CAPN14: variants seen among roughly 807,000 people sequenced by gnomAD.
The protein encoded by CAPN14 is calpain-14.
In CAPN14, 94 loss-of-function variants were observed where a neutral mutation model predicts 101.3. That is an observed-to-expected ratio of 0.93 (90% CI 0.79 to 1.10). The LOEUF is 1.10. CAPN14 is among the 50% of genes least tolerant of loss of function. CAPN14 has a pLI of 0.00. For missense variants in CAPN14, 837 were observed against 828.4 expected (o/e 1.01, Z -0.13); for synonymous variants, 338 against 317.9 (o/e 1.06, Z -0.67).
chr2:31,174,599 TG>T lies in CAPN14; in HGVS notation c.*81del. ...CTGTCCTGAAGATCAGTAAGTAGGG[TG>T]GGCATGGGTTGGTCTCAGCCAAAGG... is the stretch of plus-strand genomic sequence containing the variant. On this transcript the variant is annotated 3_prime_UTR_variant, in exon 22 of 22. Coordinates refer to ENST00000403897, the MANE Select transcript of CAPN14 (RefSeq NM_001145122.2). The T allele has an allele frequency of 7.1e-7, 1 of 1,408,108 alleles. No individual in the cohort carries two copies. Among genetic ancestry groups the T allele is most frequent in the Non-Finnish European group, 9.8e-7 (1 of 1,018,482 alleles). 87.2% of individuals were successfully genotyped at this position (1,408,108 alleles called of 1,614,324 possible).
At chr2:31,182,183 C>T (rs1276802816) in intron 16 of CAPN14, among the ~76,000 whole-genome samples, 2 of 151,586 alleles carry the variant, frequency 1.3e-5, no homozygotes, top group Non-Finnish European at 2.9e-5. Flanking sequence ...TGGGACGTAT[C>T]TCAAAATAAT....
intron 18 of CAPN14, 68 bp downstream of exon 18, chr2:31,178,443 C>G (rs1174961964): frequency 5.7e-6 from 7 of 1,231,608 alleles, no homozygotes; most frequent in Non-Finnish European, 8.2e-6. Flanking sequence ...GAAGTATCTT[C>G]TACAGCTTTG....
At chr2:31,189,244 AC>A in intron 13 of CAPN14, 28 bp downstream of exon 13, 2 of 1,544,614 alleles carry the variant, frequency 1.3e-6, no homozygotes, top group Non-Finnish European at 1.8e-6. Flanking sequence ...AGTGGTCCCC[AC>A]CCTCTAGGAG....
chr2:31,178,781 G>A (rs1235519670), intron 17 of CAPN14, among the ~76,000 whole-genome samples: 1 of 152,028 alleles, frequency 6.6e-6, no homozygotes, highest in Admixed American at 6.5e-5. Context: ...AAAACAGAAT[G>A]AGCCCAGAGC....
intron 1 of CAPN14, 102 bp downstream of exon 1, chr2:31,217,354 A>G (rs1682698957): frequency 6.6e-6 from 1 of 152,202 alleles, no homozygotes; most frequent in African/African-American, 2.4e-5. Context: ...TCAAACCAGG[A>G]GAAGCAAATA....
upstream of CAPN14, among the ~76,000 whole-genome samples, chr2:31,220,831 C>T (rs1682841052): frequency 6.6e-6 from 1 of 152,084 alleles, no homozygotes; most frequent in African/African-American, 2.4e-5. Context: ...TTTTTTCCAC[C>T]TGATTTTTGT....
chr2:31,197,856 C>A (rs932124114), intron 7 of CAPN14, among the ~76,000 whole-genome samples: 2 of 152,130 alleles, frequency 1.3e-5, no homozygotes, highest in African/African-American at 4.8e-5. Flanking sequence ...GTGGAGGAGG[C>A]AAGAAGGGAT....
intron 1 of CAPN14, chr2:31,233,670 T>A (rs1305563477): frequency 4.6e-5 from 7 of 152,156 alleles, no homozygotes; most frequent in African/African-American, 1.7e-4. Flanking sequence ...GGAACGATTT[T>A]GACTTCACCC....
intron 17 of CAPN14, among the ~76,000 whole-genome samples, chr2:31,178,829 T>C (rs896889073): frequency 6.6e-6 from 1 of 152,078 alleles, no homozygotes; most frequent in Non-Finnish European, 1.5e-5. Context: ...ATGGAGGTGA[T>C]GATGGTGATG....
At chr2:31,229,157 G>A (rs602116) in intron 1 of CAPN14, among the ~76,000 whole-genome samples, 26,738 of 152,156 alleles carry the variant, frequency 0.18, 2,529 homozygotes, top group Non-Finnish European at 0.21. Flanking sequence ...ACAACACACA[G>A]TAGATTCAGG....
intron 13 of CAPN14, 67 bp from the exon 14 acceptor site, chr2:31,188,421 T>C (rs77569859): frequency 0.046 from 64,664 of 1,419,224 alleles, 1,648 homozygotes; most frequent in Middle Eastern, 0.081. Flanking sequence ...AATCTTCCCC[T>C]TCTCCTGGGA....
At chr2:31,176,904 C>T (rs1332962186) in intron 20 of CAPN14, 122 bp downstream of exon 20, 3 of 765,534 alleles carry the variant, frequency 3.9e-6, no homozygotes, top group Non-Finnish European at 4.4e-6. Context: ...GTCCCCACAG[C>T]TTCCCTGGTC....
chr2:31,219,670 G>A (rs565047658), upstream of CAPN14, among the ~76,000 whole-genome samples: 7 of 152,160 alleles, frequency 4.6e-5, no homozygotes, highest in African/African-American at 9.7e-5. Flanking sequence ...TGCATTCCTC[G>A]GCTGGTGGCA....
rs564211297 is a variant in CAPN14, at chr2:31,231,066, T to C, written c.-177+2725A>G. Among the ~76,000 whole-genome samples, 15 of 152,330 alleles carry C rather than the reference T, an allele frequency of 9.8e-5. No individual in the cohort carries two copies. In the South Asian group the frequency reaches 3.1e-3, roughly 32 times the overall value. The stretch of plus-strand genomic sequence containing the variant: ...AGGGCAAGTCCTCTTCGCTTAGTTG[T>C]TGCCATTGCTATGTTACTGTTGTCC... On this transcript the variant is annotated intron_variant and NMD_transcript_variant, in intron 1 of 21. Transcript: ENST00000398824.
chr2:31,228,743 A>G (rs1391752531), intron 1 of CAPN14, among the ~76,000 whole-genome samples: 3 of 152,224 alleles, frequency 2.0e-5, no homozygotes, highest in African/African-American at 7.2e-5. Context: ...GGCACTTTAC[A>G]TGCACGGTCC....
intron 1 of CAPN14, among the ~76,000 whole-genome samples, chr2:31,213,313 G>A (rs1300178691): frequency 6.6e-6 from 1 of 152,202 alleles, no homozygotes; most frequent in East Asian, 1.9e-4. Flanking sequence ...CTTGACAAAA[G>A]TCTAAAGTAG....
upstream of CAPN14, among the ~76,000 whole-genome samples, chr2:31,220,275 C>T (rs917378706): frequency 3.3e-5 from 5 of 152,154 alleles, no homozygotes; most frequent in South Asian, 8.3e-4. Flanking sequence ...TTCATGGGCA[C>T]ACAGGTTATT....
chr2:31,181,990 C>T (rs1310517539), intron 16 of CAPN14, among the ~76,000 whole-genome samples: 1 of 151,954 alleles, frequency 6.6e-6, no homozygotes, highest in Non-Finnish European at 1.5e-5. Flanking sequence ...CATACATGTG[C>T]ATGTGTCTTT....
chr2:31,232,786 G>T (rs1683235058), intron 1 of CAPN14, among the ~76,000 whole-genome samples: 1 of 152,140 alleles, frequency 6.6e-6, no homozygotes, highest in African/African-American at 2.4e-5. Context: ...TTTATGCGGG[G>T]ACACAAAGCA....
Sources: gnomAD v4.1 joint callset for allele counts (sites outside exome capture counted in the v4.1 genomes callset) on GRCh38, gnomAD v4.1.1 for gene constraint, MANE v1.5 for transcripts, NCBI Gene and HGNC (gene_info 2026-07-23, HGNC 2026-07-21) for gene names.